The following VLDLR variants were observed in gnomAD, a reference collection of about 807,000 sequenced individuals.
VLDLR encodes very low density lipoprotein receptor.
VLDLR carries 81 observed loss-of-function variants against 112.7 expected under a neutral mutation model. The observed-to-expected ratio is 0.72, with a 90% CI of 0.60 to 0.86. VLDLR has a LOEUF of 0.86. Among genes scored for constraint, VLDLR ranks in the 40% least tolerant of loss-of-function variants. The probability of loss-of-function intolerance (pLI) is 0.00; values close to 1 mark genes in which losing one functional copy is unlikely to be tolerated. For synonymous variants in VLDLR, 436 were observed against 384.8 expected (o/e 1.13, Z -1.56); for missense variants, 1,237 against 1,099.4 (o/e 1.13, Z -1.77).
intron 1 of VLDLR, among the ~76,000 whole-genome samples, chr9:2,634,486 C>T (rs1211063134): frequency 6.6e-6 from 1 of 152,186 alleles, no homozygotes; most frequent in Non-Finnish European, 1.5e-5. Context: ...ATCACATCCG[C>T]CAGAAGGACG....
chr9:2,638,099 T>TGCTC (rs1200388934), intron 2 of VLDLR, among the ~76,000 whole-genome samples: 7 of 152,218 alleles, frequency 4.6e-5, no homozygotes, highest in Admixed American at 3.3e-4. Flanking sequence ...TCTTCCTCCA[T>TGCTC]GCTCAGGAGA....
In VLDLR at chr9:2,653,963, C is replaced by G. The variant is rs1057182493; in HGVS notation, c.*95C>G. 6 of 1,324,532 alleles carry G rather than the reference C, an allele frequency of 4.5e-6. No individual in the cohort carries two copies. Among genetic ancestry groups the G allele is most frequent in the Non-Finnish European group, 4.4e-6 (4 of 918,758 alleles). 82.0% of individuals were successfully genotyped at this position (1,324,532 alleles called of 1,614,324 possible). ...GCAGCTGAAGTCTCTTTTTCTTCCT[C>G]TCGGCTGGAAGAACATCAAGATACC... On this transcript the variant is annotated 3_prime_UTR_variant, in exon 19 of 19. Transcript: ENST00000382100.
At position 2,643,486 on chromosome 9, in the gene VLDLR, G is replaced by T. The variant is rs1254412240; in HGVS notation, c.775G>T (p.Asp259Tyr). The change falls in exon 5 of 19, where the codon GAT (aspartate) becomes TAT (tyrosine). Residue 259 changes from aspartate (D) to tyrosine (Y), a missense_variant. Coordinates refer to ENST00000382100, the MANE Select transcript of VLDLR (RefSeq NM_003383.5). ...GECIHKKWRC[D>Y]GDPDCKDGSD... is the part of the protein sequence containing the mutation. Reference sequence around the variant, plus strand: ...GTGCATCCATAAGAAGTGGCGATGTGATGGGGACCCTGACTGCAAGGATGG... The same window carrying T: ...GTGCATCCATAAGAAGTGGCGATGTTATGGGGACCCTGACTGCAAGGATGG... 5 of 1,614,052 alleles carry T rather than the reference G, an allele frequency of 3.1e-6. No homozygotes were observed. The highest frequency in any genetic ancestry group is 4.2e-6 in the Non-Finnish European group (5 of 1,180,038).
Position 2,645,559 on chromosome 9 carries a change from A to C in VLDLR, c.1313-15A>C, listed in dbSNP as rs182097360. On this transcript the variant is annotated splice_polypyrimidine_tract_variant and intron_variant, in intron 9 of 18. Coordinates refer to ENST00000382100, the MANE Select transcript of VLDLR (RefSeq NM_003383.5). ...CTTAAAGCAAAACTAAGTAACCCAG[A>C]CTTCCATCTTGCAGGCAAAGAGCCA... The C allele has an allele frequency of 2.1e-4, 331 of 1,614,220 alleles. 1 individual carries two copies. In the African/African-American group the frequency reaches 4.1e-3, roughly 20 times the overall value.
chr9:2,626,448 T>C (rs1347341447), intron 1 of VLDLR, among the ~76,000 whole-genome samples: 2 of 152,230 alleles, frequency 1.3e-5, no homozygotes, highest in Non-Finnish European at 2.9e-5. Context: ...ATGCTCAACC[T>C]GGACCATAAA....
chr9:2,655,700 A>G lies in VLDLR; in HGVS notation c.*1832A>G, dbSNP rs1818572643. The G allele has an allele frequency of 6.6e-6, 1 of 152,006 alleles. No individual in the cohort carries two copies. The highest frequency in any genetic ancestry group is 2.4e-5 in the African/African-American group (1 of 41,370). 9.4% of individuals were successfully genotyped at this position (152,006 alleles called of 1,614,324 possible). A position where few individuals can be genotyped will look rare whatever the true frequency, so the allele number is the denominator to read the frequency against. ...AATGAAAAAGAAAAGATAGCCTTGG[A>G]CTTTTTTTTCATGGGAGGTTTGGAG... On this transcript the variant is annotated 3_prime_UTR_variant, in exon 19 of 19. Transcript: ENST00000382100.
At chr9:2,649,653 A>G (rs952438768) in intron 14 of VLDLR, among the ~76,000 whole-genome samples, 15 of 152,096 alleles carry the variant, frequency 9.9e-5, no homozygotes, top group African/African-American at 3.6e-4. Flanking sequence ...CGGCCTCCTA[A>G]AGTGCCGGAA....
In VLDLR at chr9:2,629,483, A is replaced by G. The variant is rs542440738; in HGVS notation, c.83-5970A>G. Reference sequence around the variant, plus strand: ...CTGGGTTCAACTCCTAGCTCTGCCCAGGGCAATCTGGGACAAGTGACTGTA... The same window carrying G: ...CTGGGTTCAACTCCTAGCTCTGCCCGGGGCAATCTGGGACAAGTGACTGTA... On this transcript the variant is annotated intron_variant, in intron 1 of 18. Coordinates refer to ENST00000382100, the MANE Select transcript of VLDLR (RefSeq NM_003383.5). 2.6e-5 allele frequency among the ~76,000 whole-genome samples: 4 copies of G among 152,348 alleles called. No homozygotes were observed. The East Asian group carries it at 7.7e-4, about 29-fold the overall frequency.
intron 7 of VLDLR, 58 bp from the exon 8 acceptor site, chr9:2,644,676 A>G (rs1817991534): frequency 1.9e-6 from 3 of 1,612,080 alleles, no homozygotes; most frequent in Non-Finnish European, 2.5e-6. Flanking sequence ...TGGGTTTTAA[A>G]TGTGAAAGAT....
At chr9:2,641,725 A>G (rs1328457512) in intron 4 of VLDLR, among the ~76,000 whole-genome samples, 1 of 152,190 alleles carries the variant, frequency 6.6e-6, no homozygotes, top group Admixed American at 6.5e-5. Flanking sequence ...AATAGAAATA[A>G]GAAGGTAAGT....
chr9:2,659,531 A>G lies in VLDLR; in HGVS notation c.*5663A>G, dbSNP rs1464864103. On this transcript the variant is annotated 3_prime_UTR_variant, in exon 19 of 19. Transcript: ENST00000382100. The stretch of plus-strand genomic sequence containing the variant: ...AGTAGAAGTAGATTGTTGGATTGCA[A>G]AGAAAATGATAAAGATTCCCTAAAG... 6.6e-6 allele frequency: 1 copy of G among 152,268 alleles called. No individual in the cohort carries two copies. The highest frequency in any genetic ancestry group is 6.5e-5 in the Admixed American group (1 of 15,290). 9.4% of individuals were successfully genotyped at this position (152,268 alleles called of 1,614,324 possible).
intron 14 of VLDLR, among the ~76,000 whole-genome samples, chr9:2,649,234 T>C (rs72692565): frequency 0.26 from 39,909 of 152,084 alleles, 6,142 homozygotes; most frequent in African/African-American, 0.4. Flanking sequence ...GGCCAGAAGT[T>C]TGAAATCAAG....
chr9:2,623,456 G>A (rs917104638), intron 1 of VLDLR, among the ~76,000 whole-genome samples: 9 of 89,468 alleles, frequency 1.0e-4, no homozygotes, highest in African/African-American at 2.5e-4. Flanking sequence ...CCCGTCGCCG[G>A]GTGGCTTCAG....
At position 2,653,912 on chromosome 9, in the gene VLDLR, C is replaced by A. The variant is rs762389751; in HGVS notation, c.*44C>A. 28 of 1,606,896 alleles carry A rather than the reference C, an allele frequency of 1.7e-5. No individual in the cohort carries two copies. The highest frequency in any genetic ancestry group is 2.4e-5 in the Non-Finnish European group (28 of 1,173,742). The stretch of plus-strand genomic sequence containing the variant: ...ACCTTTGAGGTCTAAACAAATAATA[C>A]CCCCGTCGGAATGGTAACCGAGCCA... On this transcript the variant is annotated 3_prime_UTR_variant, in exon 19 of 19. Transcript: ENST00000382100.
intron 1 of VLDLR, 107 bp downstream of exon 1, chr9:2,622,378 C>T: frequency 1.1e-6 from 1 of 951,940 alleles, no homozygotes; most frequent in African/African-American, 1.7e-5. Flanking sequence ...GGAGGCGCCT[C>T]TCGGTTCTCC....
intron 1 of VLDLR, among the ~76,000 whole-genome samples, chr9:2,625,414 G>C (rs1287726444): frequency 6.6e-6 from 1 of 152,220 alleles, no homozygotes; most frequent in East Asian, 1.9e-4. Context: ...GTTTCTCACA[G>C]AATGTAAATT....
intron 1 of VLDLR, among the ~76,000 whole-genome samples, chr9:2,624,476 G>A (rs33974910): frequency 0.093 from 14,213 of 152,232 alleles, 787 homozygotes; most frequent in Non-Finnish European, 0.11. Flanking sequence ...CAAGAAGTTG[G>A]TATACCTGAT....
Position 2,652,471 on chromosome 9 carries a change from G to A in VLDLR, c.2417-309G>A, listed in dbSNP as rs192824313. On this transcript the variant is annotated intron_variant, in intron 17 of 18. Transcript: ENST00000382100. ...GAAGAGACCCAAGCTTAGCTAACAC[G>A]CCAGGACCACCTGAATAGCTCTCCA... Among the ~76,000 whole-genome samples, 50 of 152,248 alleles carry A rather than the reference G, an allele frequency of 3.3e-4. 2 individuals carry two copies. Among genetic ancestry groups the A allele is most frequent in the African/African-American group, 1.0e-3 (43 of 41,548 alleles).
intron 2 of VLDLR, 96 bp from the exon 3 acceptor site, chr9:2,639,763 G>A (rs1389968788): frequency 1.3e-6 from 2 of 1,598,310 alleles, no homozygotes; most frequent in Admixed American, 1.7e-5. Context: ...CTTTTTTTTA[G>A]AGCAAAACAT....
Sources: gnomAD v4.1 joint callset for allele counts (sites outside exome capture counted in the v4.1 genomes callset) on GRCh38, gnomAD v4.1.1 for gene constraint, MANE v1.5 for transcripts, NCBI Gene and HGNC (gene_info 2026-07-23, HGNC 2026-07-21) for gene names.